Variants in MIS18BP1 observed in about 807,000 individuals in gnomAD.
MIS18BP1 encodes the protein mis18-binding protein 1.
A neutral mutation model predicts 116.1 loss-of-function variants in MIS18BP1; 72 were observed. The observed-to-expected ratio is 0.62, with a 90% CI of 0.51 to 0.75. MIS18BP1 has a LOEUF of 0.75. Ranked by LOEUF, MIS18BP1 falls within the 30% of genes least tolerant of loss-of-function variation. The pLI, the probability that MIS18BP1 is intolerant of heterozygous loss-of-function variation, is 0.00. For synonymous variants in MIS18BP1, 386 were observed against 427.0 expected, an observed-to-expected ratio of 0.90 and a Z score of 1.18; for missense variants, 1,363 against 1,303.2, an observed-to-expected ratio of 1.05 and a Z score of -0.71.
chr14:45,242,346 A>G lies in MIS18BP1; in HGVS notation c.831T>C (p.Asp277=), dbSNP rs151039355. 1.2e-6 allele frequency: 2 copies of G among 1,614,106 alleles called. No homozygotes were observed. The highest frequency in any genetic ancestry group is 1.7e-6 in the Non-Finnish European group (2 of 1,179,988). The change falls in exon 4 of 17, where the codon GAT becomes GAC. Residue 277 remains aspartate (D), a synonymous_variant. Coordinates refer to ENST00000310806, the MANE Select transcript of MIS18BP1 (RefSeq NM_018353.5). ...CAGCATTAGTATTTTGAAATTGTTC[A>G]TCAGCAGAATCAACGCTTTCTAAAA... ...TFVLESVDSA[D]EQFQNTNAET...
At chr14:45,225,964 T>C (rs1196116337) in intron 10 of MIS18BP1, among the ~76,000 whole-genome samples, 2 of 152,100 alleles carry the variant, frequency 1.3e-5, no homozygotes, top group Non-Finnish European at 1.5e-5. Flanking sequence ...ATCAAAATAA[T>C]TTAGAAAGTG....
At position 45,218,328 on chromosome 14, in the gene MIS18BP1, C is replaced by A; in HGVS notation, c.2796G>T (p.Gln932His). 1 of 1,613,960 alleles carries A rather than the reference C, an allele frequency of 6.2e-7. No homozygotes were observed. Among genetic ancestry groups the A allele is most frequent in the Non-Finnish European group, 8.5e-7 (1 of 1,179,978 alleles). The change falls in exon 12 of 17, where the codon CAG becomes CAT. Residue 932 changes from glutamine (Q) to histidine (H), a missense_variant. Gln to His is a conservative substitution (Grantham distance 24). Coordinates refer to ENST00000310806, the MANE Select transcript of MIS18BP1 (RefSeq NM_018353.5). Reference protein sequence around the residue: ...YMENPRGKGSQKHVTKKKPAN... With the variant: ...YMENPRGKGSHKHVTKKKPAN... ...CTGGCTTCTTCTTAGTGACATGTTT[C>A]TGGGATCCTTTTCCTCTGGGATTTT...
Position 45,204,452 on chromosome 14 carries a change from A to G in MIS18BP1, c.3242T>C (p.Val1081Ala). The G allele has an allele frequency of 6.2e-7, 1 of 1,600,754 alleles. No homozygotes were observed. Among genetic ancestry groups the G allele is most frequent in the Non-Finnish European group, 8.5e-7 (1 of 1,174,710 alleles). Residue 1081 changes from valine to alanine, a missense_variant and splice_region_variant, in exon 16 of 17, where the codon GTT becomes GCT. Transcript: ENST00000310806. Reference protein sequence around the residue: ...IVWGNIKKKLVETDFSTPTPR... With the variant: ...IVWGNIKKKLAETDFSTPTPR... ...TGTTGGAGTTGAGAAATCAGTTTCA[A>G]CCTATAAAAGAGTTACTATTAATAG...
At chr14:45,225,869 G>A (rs1396255863) in intron 10 of MIS18BP1, among the ~76,000 whole-genome samples, 1 of 152,122 alleles carries the variant, frequency 6.6e-6, no homozygotes, top group African/African-American at 2.4e-5. Context: ...TTTACAAGAT[G>A]ACTGACAGAA....
intron 13 of MIS18BP1, among the ~76,000 whole-genome samples, chr14:45,213,173 G>A (rs886841473): frequency 1.3e-5 from 2 of 152,104 alleles, no homozygotes; most frequent in African/African-American, 4.8e-5. Flanking sequence ...CAAAGTGCTG[G>A]GACTACAGGC....
chr14:45,212,931 T>G (rs1379656718), intron 13 of MIS18BP1, among the ~76,000 whole-genome samples: 3 of 152,222 alleles, frequency 2.0e-5, no homozygotes, highest in Admixed American at 2.0e-4. Flanking sequence ...GGCCCTCTTC[T>G]GAGAGTACTT....
intron 10 of MIS18BP1, among the ~76,000 whole-genome samples, chr14:45,226,241 G>A (rs539115762): frequency 5.3e-4 from 80 of 152,168 alleles, no homozygotes; most frequent in African/African-American, 1.3e-3. Flanking sequence ...ACAAATAAAT[G>A]TTCTTCACTT....
At chr14:45,205,750 C>T (rs1368902007) in intron 15 of MIS18BP1, among the ~76,000 whole-genome samples, 1 of 152,186 alleles carries the variant, frequency 6.6e-6, no homozygotes, top group Non-Finnish European at 1.5e-5. Flanking sequence ...AATTATTCTT[C>T]AATCCTTGAA....
chr14:45,203,885 C>A lies in MIS18BP1; in HGVS notation c.*224G>T. 3.1e-6 allele frequency: 1 copy of A among 321,330 alleles called. No homozygotes were observed. Among genetic ancestry groups the A allele is most frequent in the Non-Finnish European group, 5.2e-6 (1 of 191,644 alleles). The allele number at this position is 321,330 out of a possible 1,614,324, so 19.9% of individuals were successfully genotyped here. A position where few individuals can be genotyped will look rare whatever the true frequency, so the allele number is the denominator to read the frequency against. ...CTATATATATTTTAATATGCAAAAA[C>A]AAATTTACAGATATCTACACGAGCA... is the stretch of plus-strand genomic sequence containing the variant. On this transcript the variant is annotated 3_prime_UTR_variant, in exon 17 of 17. Coordinates refer to ENST00000310806, the MANE Select transcript of MIS18BP1 (RefSeq NM_018353.5).
intron 4 of MIS18BP1, among the ~76,000 whole-genome samples, chr14:45,238,392 G>C (rs1410633857): frequency 6.6e-6 from 1 of 152,152 alleles, no homozygotes; most frequent in Non-Finnish European, 1.5e-5. Context: ...GGAATAATTT[G>C]AGTGGCAATT....
chr14:45,229,417 T>C (rs184067402), intron 8 of MIS18BP1, among the ~76,000 whole-genome samples: 23 of 151,942 alleles, frequency 1.5e-4, no homozygotes, highest in Non-Finnish European at 1.8e-4. Context: ...GGTGGGAGGA[T>C]TGCTTGAACC....
intron 11 of MIS18BP1, among the ~76,000 whole-genome samples, chr14:45,221,293 C>G (rs1233132935): frequency 6.6e-6 from 1 of 151,162 alleles, no homozygotes; most frequent in Non-Finnish European, 1.5e-5. Context: ...AAAAAATTAG[C>G]CGGCGTGGTC....
intron 9 of MIS18BP1, 65 bp downstream of exon 9, chr14:45,227,597 CT>C (rs1253009903): frequency 1.4e-6 from 2 of 1,394,662 alleles, no homozygotes; most frequent in Non-Finnish European, 9.8e-7. Flanking sequence ...GGTCCCAAAC[CT>C]TTTCAGTAGT....
At chr14:45,206,891 A>C (rs1388042115) in intron 14 of MIS18BP1, among the ~76,000 whole-genome samples, 1 of 152,032 alleles carries the variant, frequency 6.6e-6, no homozygotes, top group African/African-American at 2.4e-5. Context: ...ATCTCAGTTT[A>C]TTCACTTTAA....
intron 9 of MIS18BP1, among the ~76,000 whole-genome samples, chr14:45,227,079 T>G (rs1891142079): frequency 6.6e-6 from 1 of 152,228 alleles, no homozygotes; most frequent in Non-Finnish European, 1.5e-5. Context: ...TCAAGTGCTT[T>G]TAAAAATATG....
At chr14:45,208,615 A>T (rs1299482479) in intron 14 of MIS18BP1, among the ~76,000 whole-genome samples, 1 of 152,062 alleles carries the variant, frequency 6.6e-6, no homozygotes, top group Non-Finnish European at 1.5e-5. Context: ...TACAGGTGTG[A>T]GCTACCGCGC....
At chr14:45,233,902 A>G (rs1337522941) in intron 6 of MIS18BP1, among the ~76,000 whole-genome samples, 1 of 152,180 alleles carries the variant, frequency 6.6e-6, no homozygotes, top group African/African-American at 2.4e-5. Context: ...GGTTTGAGAT[A>G]TAAAATTGGC....
chr14:45,243,014 A>G, intron 2 of MIS18BP1, 140 bp from the exon 3 acceptor site: 1 of 531,294 alleles, frequency 1.9e-6, no homozygotes, highest in Non-Finnish European at 3.2e-6. Context: ...AATATATGAC[A>G]GTTACATATA....
At chr14:45,230,968 T>C (rs1891256631) in intron 8 of MIS18BP1, among the ~76,000 whole-genome samples, 173 bp downstream of exon 8, 1 of 152,184 alleles carries the variant, frequency 6.6e-6, no homozygotes, top group Non-Finnish European at 1.5e-5. Flanking sequence ...ATGATTAATC[T>C]GTATTATAGT....
Sources: gnomAD v4.1 joint callset for allele counts (sites outside exome capture counted in the v4.1 genomes callset) on GRCh38, gnomAD v4.1.1 for gene constraint, MANE v1.5 for transcripts, NCBI Gene and HGNC (gene_info 2026-07-23, HGNC 2026-07-21) for gene names.